TBPL2: variants seen among roughly 807,000 people sequenced by gnomAD.
The protein encoded by TBPL2 is TATA-box binding protein like 2, also known as TATA box-binding protein-like 2.
In TBPL2, 40 loss-of-function variants were observed where a neutral mutation model predicts 38.2. That is an observed-to-expected ratio of 1.05 (90% CI 0.81 to 1.36). The LOEUF (loss-of-function observed/expected upper bound fraction) is 1.36, where lower values mean the gene tolerates loss of function less well. Ranked by LOEUF, TBPL2 falls within the 40% of genes most tolerant of loss-of-function variation. The probability of loss-of-function intolerance (pLI) is 0.00; values close to 1 mark genes in which losing one functional copy is unlikely to be tolerated. For synonymous variants in TBPL2, 169 were observed against 171.7 expected, an observed-to-expected ratio of 0.98 and a Z score of 0.12; for missense variants, 461 against 456.7, an observed-to-expected ratio of 1.01 and a Z score of -0.09.
intron 4 of TBPL2, among the ~76,000 whole-genome samples, chr14:55,432,649 GTCAA>G (rs1339717904): frequency 3.3e-5 from 5 of 152,234 alleles, no homozygotes; most frequent in East Asian, 3.9e-4. Context: ...GTAACTTTTT[GTCAA>G]TCAATTTAGC....
chr14:55,435,183 A>G (rs767341858), intron 3 of TBPL2, among the ~76,000 whole-genome samples: 13 of 152,372 alleles, frequency 8.5e-5, no homozygotes, highest in Admixed American at 4.6e-4. Flanking sequence ...GGAAAGATAC[A>G]TAAGTGTCAG....
intron 5 of TBPL2, among the ~76,000 whole-genome samples, chr14:55,425,905 T>G (rs900232913): frequency 6.6e-6 from 1 of 152,224 alleles, no homozygotes; most frequent in Non-Finnish European, 1.5e-5. Context: ...TCCTAGCATC[T>G]GCTACATGGT....
chr14:55,420,528 T>C lies in TBPL2; in HGVS notation c.1051+3631A>G, dbSNP rs115877519. On this transcript the variant is annotated intron_variant, in intron 6 of 6. Coordinates refer to ENST00000247219, the Ensembl canonical transcript of TBPL2. ...GCCAAGAGATGATAATTATTTATCATTTCAGTAGTAAGTCATGGATTAACT... is the reference window on the plus strand; with the variant it reads ...GCCAAGAGATGATAATTATTTATCACTTCAGTAGTAAGTCATGGATTAACT... 4.7e-3 allele frequency among the ~76,000 whole-genome samples: 717 copies of C among 152,336 alleles called. 6 individuals are homozygous for C. The highest frequency in any genetic ancestry group is 0.016 in the African/African-American group (677 of 41,574).
At chr14:55,427,832 T>TACAC (rs35406194) in intron 5 of TBPL2, among the ~76,000 whole-genome samples, 97 of 145,172 alleles carry the variant, frequency 6.7e-4, no homozygotes, top group East Asian at 1.0e-3. Flanking sequence ...TGCAGCTATA[T>TACAC]ACACACACAC....
chr14:55,426,356 G>T (rs182299379), intron 5 of TBPL2, among the ~76,000 whole-genome samples: 38 of 152,166 alleles, frequency 2.5e-4, no homozygotes, highest in African/African-American at 8.9e-4. Context: ...GATTACCAGA[G>T]AAAGTGCCTG....
chr14:55,415,703 T>C (rs111448956), intron 6 of TBPL2, among the ~76,000 whole-genome samples: 2 of 152,144 alleles, frequency 1.3e-5, no homozygotes, highest in African/African-American at 4.8e-5. Flanking sequence ...CCGTCTCTAC[T>C]AAAAATACAA....
At chr14:55,426,224 T>C (rs1459107336) in intron 5 of TBPL2, among the ~76,000 whole-genome samples, 2 of 150,588 alleles carry the variant, frequency 1.3e-5, no homozygotes, top group African/African-American at 4.9e-5. Flanking sequence ...GCTGAAATCA[T>C]GCCACTTCAC....
chr14:55,420,606 C>T (rs562918340), intron 6 of TBPL2, among the ~76,000 whole-genome samples: 2 of 152,174 alleles, frequency 1.3e-5, no homozygotes, highest in African/African-American at 2.4e-5. Flanking sequence ...ATTTAATCCT[C>T]ACCTCCAGAA....
chr14:55,426,713 TA>T (rs112962777), intron 5 of TBPL2, among the ~76,000 whole-genome samples: 114 of 145,722 alleles, frequency 7.8e-4, no homozygotes, highest in Middle Eastern at 3.5e-3. Flanking sequence ...CTGGCCAGAT[TA>T]AAAAAAAAAA....
intron 1 of TBPL2, among the ~76,000 whole-genome samples, chr14:55,438,051 G>T (rs1479585728): frequency 2.6e-5 from 4 of 152,126 alleles, no homozygotes; most frequent in African/African-American, 9.7e-5. Context: ...GGAAAAAATC[G>T]ATTAGCTTGA....
chr14:55,414,346 A>G, exon 7 of TBPL2: 2 of 1,518,308 alleles, frequency 1.3e-6, no homozygotes, highest in South Asian at 1.2e-5. Context: ...GACATATTCA[A>G]ACCAGAATAA....
intron 4 of TBPL2, among the ~76,000 whole-genome samples, chr14:55,430,398 TAAAAAAAAAAAAA>T (rs370880582): frequency 4.2e-5 from 5 of 119,828 alleles, no homozygotes; most frequent in Non-Finnish European, 8.3e-5. Flanking sequence ...TCACCCACTT[TAAAAAAAAAAAAA>T]AAAAAAAAAA....
chr14:55,423,922 T>TA (rs1295585322), intron 6 of TBPL2, among the ~76,000 whole-genome samples: 1 of 152,104 alleles, frequency 6.6e-6, no homozygotes, highest in Non-Finnish European at 1.5e-5. Context: ...GATAATTCTG[T>TA]AAAAAAATCA....
chr14:55,424,094 A>T, intron 6 of TBPL2, 65 bp downstream of exon 6: 1 of 1,139,030 alleles, frequency 8.8e-7, no homozygotes, highest in Non-Finnish European at 1.3e-6. Flanking sequence ...GGTATTTAAA[A>T]GAATAAGCAA....
intron 5 of TBPL2, among the ~76,000 whole-genome samples, chr14:55,425,559 G>A (rs139767251): frequency 5.1e-4 from 77 of 152,318 alleles, no homozygotes; most frequent in Admixed American, 3.2e-3. Context: ...CATTCCAAAA[G>A]AAGGCTGAGG....
intron 4 of TBPL2, among the ~76,000 whole-genome samples, chr14:55,431,934 C>G (rs1005976061): frequency 1.3e-5 from 2 of 152,068 alleles, no homozygotes; most frequent in Non-Finnish European, 2.9e-5. Flanking sequence ...CTAAGTGAAT[C>G]AAAATACCAG....
chr14:55,426,194 G>C (rs935525286), intron 5 of TBPL2, among the ~76,000 whole-genome samples: 2 of 151,860 alleles, frequency 1.3e-5, no homozygotes, highest in Non-Finnish European at 2.9e-5. Flanking sequence ...TTGAACCCTG[G>C]GGGGTGGAGG....
intron 6 of TBPL2, among the ~76,000 whole-genome samples, chr14:55,417,327 C>A (rs1485924330): frequency 6.6e-6 from 1 of 151,876 alleles, no homozygotes; most frequent in Non-Finnish European, 1.5e-5. Context: ...CAAACATTTC[C>A]TCACTAAAAT....
At chr14:55,417,187 C>T (rs1885681413) in intron 6 of TBPL2, among the ~76,000 whole-genome samples, 1 of 152,156 alleles carries the variant, frequency 6.6e-6, no homozygotes, top group African/African-American at 2.4e-5. Flanking sequence ...GTTACCTGAA[C>T]CATACAGCAG....
Sources: allele counts gnomAD v4.1 joint callset (sites outside exome capture counted in the v4.1 genomes callset), GRCh38; gene constraint gnomAD v4.1.1; transcripts MANE v1.5; gene names NCBI Gene and HGNC (gene_info 2026-07-23, HGNC 2026-07-21).